KANK1: variants seen among roughly 807,000 people sequenced by gnomAD.
KANK1 encodes the protein KN motif and ankyrin repeat domain-containing protein 1.
KANK1 carries 109 observed loss-of-function variants against 106.2 expected under a neutral mutation model. That is an observed-to-expected ratio of 1.03 (90% CI 0.88 to 1.20). KANK1 has a LOEUF of 1.20. Among genes scored for constraint, KANK1 ranks in the 50% most tolerant of loss-of-function variants. KANK1 has a pLI of 0.00. For synonymous variants in KANK1, 873 were observed against 652.2 expected, an observed-to-expected ratio of 1.34 and a Z score of -5.16; for missense variants, 2,399 against 1,710.7, an observed-to-expected ratio of 1.40 and a Z score of -7.10.
intron 2 of KANK1, chr9:693,563 T>C (rs1296122239): frequency 4.1e-6 from 4 of 985,316 alleles, no homozygotes; most frequent in Non-Finnish European, 4.8e-6. Flanking sequence ...TGTTTGTTGG[T>C]AATTTTTGCT....
At chr9:666,795 A>G (rs1012969488) in intron 1 of KANK1, among the ~76,000 whole-genome samples, 1 of 151,444 alleles carries the variant, frequency 6.6e-6, no homozygotes, top group Non-Finnish European at 1.5e-5. Flanking sequence ...ATCCCACTTG[A>G]TAATGTTGAA....
intron 3 of KANK1, among the ~76,000 whole-genome samples, chr9:490,958 CTTTTTTTTTTT>C (rs758168904): frequency 8.6e-6 from 1 of 116,356 alleles, no homozygotes. Context: ...GCTAAAGTGG[CTTTTTTTTTTT>C]TTTTTTTTGA....
intron 1 of KANK1, among the ~76,000 whole-genome samples, chr9:601,511 C>T (rs1563838764): frequency 6.6e-6 from 1 of 151,490 alleles, no homozygotes; most frequent in East Asian, 1.9e-4. Flanking sequence ...TTAAGTTATG[C>T]TTTTTTTTGT....
intron 1 of KANK1, among the ~76,000 whole-genome samples, chr9:536,352 C>A (rs1285820241): frequency 6.6e-6 from 1 of 152,044 alleles, no homozygotes; most frequent in Non-Finnish European, 1.5e-5. Context: ...AAAAAAAATA[C>A]ACAAAAGCAC....
Position 740,824 on chromosome 9 carries a change from G to A in KANK1, c.3586G>A (p.Gly1196Ser), listed in dbSNP as rs1342108699. 1.2e-6 allele frequency: 2 copies of A among 1,613,438 alleles called. No homozygotes were observed. The highest frequency in any genetic ancestry group is 1.7e-6 in the Non-Finnish European group (2 of 1,179,964). Residue 1196 changes from glycine to serine, a missense_variant, in exon 9 of 12, where the codon GGC (glycine) becomes AGC (serine). By Grantham distance (56) the Gly-to-Ser change is moderately conservative. Coordinates refer to ENST00000382297, the MANE Select transcript of KANK1 (RefSeq NM_015158.5). ...TAATGTGGATCACCAGAACAAGGCA[G>A]GCTACACCCCCATCATGTTGGCGGC... ...VCNVDHQNKA[G>S]YTPIMLAALA...
intron 1 of KANK1, among the ~76,000 whole-genome samples, chr9:564,373 T>C (rs2804264): frequency 0.43 from 65,210 of 151,956 alleles, 17,689 homozygotes; most frequent in Non-Finnish European, 0.61. Context: ...GAATGCACTT[T>C]CTGTAGCAAA....
chr9:655,973 T>C (rs1044340169), intron 1 of KANK1, among the ~76,000 whole-genome samples: 3 of 152,222 alleles, frequency 2.0e-5, no homozygotes, highest in African/African-American at 7.2e-5. Context: ...TCTGGCTTCC[T>C]CCTTGCCTCA....
intron 1 of KANK1, among the ~76,000 whole-genome samples, chr9:525,108 C>G (rs1236774407): frequency 6.6e-6 from 1 of 150,410 alleles, no homozygotes; most frequent in Non-Finnish European, 1.5e-5. Flanking sequence ...CATTCTCCTG[C>G]CTCAGCCTCC....
At chr9:595,327 A>G (rs1825942432) in intron 1 of KANK1, among the ~76,000 whole-genome samples, 1 of 151,772 alleles carries the variant, frequency 6.6e-6, no homozygotes, top group African/African-American at 2.4e-5. Context: ...AAAGTGGCTG[A>G]AAAGTGCTCT....
At chr9:503,629 G>A (rs1485685165), upstream of KANK1, among the ~76,000 whole-genome samples, 2 of 152,208 alleles carry the variant, frequency 1.3e-5, no homozygotes, top group African/African-American at 4.8e-5. Flanking sequence ...GCTTGGGGGT[G>A]AGGGGAGGAC....
rs114934387 is a variant in KANK1 at position 666,300 on chromosome 9, G to T, written c.-83-10590G>T. ...GTATATATAAATGCTACTGAATTTTGTATGTTGGCTTTGTATCCTGCAGCT... is the reference window on the plus strand; with the variant it reads ...GTATATATAAATGCTACTGAATTTTTTATGTTGGCTTTGTATCCTGCAGCT... On this transcript the variant is annotated intron_variant, in intron 1 of 11. Coordinates refer to ENST00000382297, the MANE Select transcript of KANK1 (RefSeq NM_015158.5). Among the ~76,000 whole-genome samples the T allele has an allele frequency of 5.2e-3, 798 of 152,074 alleles. 4 individuals are homozygous for T. Among genetic ancestry groups the T allele is most frequent in the African/African-American group, 0.018 (750 of 41,486 alleles).
intron 3 of KANK1, among the ~76,000 whole-genome samples, chr9:496,087 C>G (rs932837708): frequency 2.0e-5 from 3 of 152,158 alleles, no homozygotes; most frequent in African/African-American, 7.2e-5. Flanking sequence ...TACCACTTGG[C>G]ACTGTGGCTT....
At chr9:580,512 T>C (rs1821797298) in intron 1 of KANK1, among the ~76,000 whole-genome samples, 1 of 152,230 alleles carries the variant, frequency 6.6e-6, no homozygotes, top group Non-Finnish European at 1.5e-5. Context: ...GGGTGCTGAT[T>C]GGTGCATTTA....
At chr9:608,845 T>C (rs977560366) in intron 1 of KANK1, among the ~76,000 whole-genome samples, 1 of 152,178 alleles carries the variant, frequency 6.6e-6, no homozygotes, top group Admixed American at 6.5e-5. Flanking sequence ...TAAGCCAATG[T>C]TGAGACTGAG....
intron 1 of KANK1, among the ~76,000 whole-genome samples, chr9:517,739 T>A (rs1184562843): frequency 5.5e-4 from 3 of 5,474 alleles, no homozygotes; most frequent in Non-Finnish European, 3.4e-3. Flanking sequence ...TTGAGGATTC[T>A]TTTTTTTTTT....
intron 1 of KANK1, among the ~76,000 whole-genome samples, chr9:580,173 C>T (rs944995923): frequency 6.6e-6 from 1 of 151,806 alleles, no homozygotes; most frequent in Non-Finnish European, 1.5e-5. Context: ...GTGAGTGTAA[C>T]AGCTCTTAAG....
chr9:736,817 C>T (rs1360440177), intron 7 of KANK1, among the ~76,000 whole-genome samples: 1 of 152,172 alleles, frequency 6.6e-6, no homozygotes, highest in Non-Finnish European at 1.5e-5. Flanking sequence ...TAAAATCTCA[C>T]TGCAGGGTCA....
intron 1 of KANK1, among the ~76,000 whole-genome samples, chr9:645,958 C>T (rs1354519046): frequency 6.6e-6 from 1 of 150,986 alleles, no homozygotes; most frequent in African/African-American, 2.5e-5. Flanking sequence ...TCAACAAACA[C>T]TTATTGAATG....
intron 1 of KANK1, among the ~76,000 whole-genome samples, chr9:505,208 C>T (rs1002113890): frequency 3.9e-5 from 6 of 152,154 alleles, no homozygotes; most frequent in African/African-American, 9.7e-5. Flanking sequence ...TCTGAAGCGG[C>T]TCTCCGTGGA....
Sources: allele counts gnomAD v4.1 joint callset (sites outside exome capture counted in the v4.1 genomes callset), GRCh38; gene constraint gnomAD v4.1.1; transcripts MANE v1.5; gene names NCBI Gene and HGNC (gene_info 2026-07-23, HGNC 2026-07-21).